ZNF573: variants seen among roughly 807,000 people sequenced by gnomAD.
ZNF573 encodes zinc finger protein 573.
ZNF573 carries 41 observed loss-of-function variants against 57.4 expected under a neutral mutation model. That is an observed-to-expected ratio of 0.71 (90% confidence interval 0.56 to 0.93). ZNF573 has a LOEUF of 0.93. ZNF573 is among the 40% of genes least tolerant of loss of function. ZNF573 has a pLI of 0.00. For synonymous variants in ZNF573, 249 were observed against 261.0 expected (o/e 0.95, Z 0.44); for missense variants, 730 against 794.8 (o/e 0.92, Z 0.98).
At chr19:37,753,350 T>C (rs1215771890) in intron 4 of ZNF573, among the ~76,000 whole-genome samples, 1 of 152,150 alleles carries the variant, frequency 6.6e-6, no homozygotes, top group Non-Finnish European at 1.5e-5. Flanking sequence ...CCTCAAGTAT[T>C]TATCCTTTGT....
At chr19:37,779,343 A>G (rs1380961385) in intron 1 of ZNF573, among the ~76,000 whole-genome samples, 2 of 151,958 alleles carry the variant, frequency 1.3e-5, no homozygotes, top group African/African-American at 4.8e-5. Context: ...TGCGCACTCA[A>G]ATACCCTCCT....
rs2045660147 is a variant in ZNF573 at position 37,771,633 on chromosome 19, G to A, written c.133C>T (p.Leu45=). The A allele has an allele frequency of 2.5e-6, 4 of 1,602,476 alleles. No individual in the cohort carries two copies. Among genetic ancestry groups the A allele is most frequent in the East Asian group, 2.3e-5 (1 of 43,722 alleles). ...IDFSRQEWEY[L]DPNQRDLYRD... is the part of the protein sequence containing the mutation. ...TATAAGTCCCTCTGATTAGGGTCCAGGTATTCCCACTCCTGCCGAGAGAAG... is the reference window on the plus strand; with the variant it reads ...TATAAGTCCCTCTGATTAGGGTCCAAGTATTCCCACTCCTGCCGAGAGAAG... The change falls in exon 3 of 5, where the codon CTG becomes TTG. Residue 45 remains leucine (L), a synonymous_variant. Transcript: ENST00000536220.
intron 4 of ZNF573, among the ~76,000 whole-genome samples, chr19:37,748,018 C>A (rs905270801): frequency 3.3e-5 from 5 of 152,112 alleles, no homozygotes; most frequent in Non-Finnish European, 5.9e-5. Flanking sequence ...CTACTTCCAG[C>A]CTAATTACAA....
chr19:37,770,577 C>T (rs954408856), intron 3 of ZNF573: 2 of 113,244 alleles, frequency 1.8e-5, no homozygotes, highest in African/African-American at 7.2e-5. Flanking sequence ...CCAACCCGGG[C>T]AACAGAGCGA....
chr19:37,761,620 AGT>A (rs1358246226), intron 4 of ZNF573, among the ~76,000 whole-genome samples: 2 of 152,286 alleles, frequency 1.3e-5, no homozygotes, highest in East Asian at 1.9e-4. Context: ...CATTCCAGAG[AGT>A]GTCCCCCATT....
At chr19:37,756,464 T>C (rs899530226) in intron 4 of ZNF573, among the ~76,000 whole-genome samples, 1 of 152,156 alleles carries the variant, frequency 6.6e-6, no homozygotes, top group South Asian at 2.1e-4. Context: ...CTGCTTTAGA[T>C]GCAATGCTGG....
chr19:37,739,953 T>C lies in ZNF573; in HGVS notation c.537A>G (p.Leu179=), dbSNP rs752825655. ...TCTCACCAGTATGAAATCTTTGATGTAGAGTAAGTTGATAGCCACTACGAA... is the reference window on the plus strand; with the variant it reads ...TCTCACCAGTATGAAATCTTTGATGCAGAGTAAGTTGATAGCCACTACGAA... The part of the protein sequence containing the change: ...KNFRSGYQLT[L]HQRFHTGEKP... The change falls in exon 5 of 5, where the codon CTA becomes CTG. Residue 179 remains leucine (L), a synonymous_variant. Coordinates refer to ENST00000536220, the MANE Select transcript of ZNF573 (RefSeq NM_001172690.2). 1.2e-6 allele frequency: 2 copies of C among 1,614,180 alleles called. No individual in the cohort carries two copies. Among genetic ancestry groups the C allele is most frequent in the Admixed American group, 3.3e-5 (2 of 60,016 alleles).
chr19:37,767,431 C>T (rs1407290855), intron 4 of ZNF573, among the ~76,000 whole-genome samples: 1 of 151,968 alleles, frequency 6.6e-6, no homozygotes, highest in African/African-American at 2.4e-5. Context: ...GACGGGGTTT[C>T]GCCGTTTTAG....
rs578055022 is a variant in ZNF573 at position 37,777,761 on chromosome 19, C to G, written c.-23+1783G>C. Among the ~76,000 whole-genome samples the G allele has an allele frequency of 9.8e-5, 14 of 143,514 alleles. No individual in the cohort carries two copies. In the East Asian group the frequency reaches 2.7e-3, roughly 28 times the overall value. 94.2% of individuals were successfully genotyped at this position (143,514 alleles called of 152,430 possible). On this transcript the variant is annotated intron_variant, in intron 1 of 4. Transcript: ENST00000536220. Reference sequence around the variant, plus strand: ...CATAAAAAAAAAAAAAAAAGCCGGTCGTGGTGGCTCATGCTTGTAATCCCA... The same window carrying G: ...CATAAAAAAAAAAAAAAAAGCCGGTGGTGGTGGCTCATGCTTGTAATCCCA...
At position 37,778,024 on chromosome 19, in the gene ZNF573, C is replaced by CAAA. The variant is rs34141847; in HGVS notation, c.-23+1517_-23+1519dup. Among the ~76,000 whole-genome samples the CAAA allele has an allele frequency of 3.1e-3, 176 of 56,006 alleles. 6 individuals are homozygous for CAAA. Among genetic ancestry groups the CAAA allele is most frequent in the African/African-American group, 8.5e-3 (139 of 16,442 alleles). The allele number at this position is 56,006 out of a possible 152,430, so 36.7% of individuals were successfully genotyped here. Reference sequence around the variant, plus strand: ...TGGGCGACAGAGCGAGACTCTGTCTCAAAAAAAAAAAAAAAAAAAAAGTAA... The same window carrying CAAA: ...TGGGCGACAGAGCGAGACTCTGTCTCAAAAAAAAAAAAAAAAAAAAAAAAGTAA... On this transcript the variant is annotated intron_variant, in intron 1 of 4. Transcript: ENST00000536220.
At chr19:37,775,842 CAA>C (rs11390183) in intron 1 of ZNF573, among the ~76,000 whole-genome samples, 222 of 125,196 alleles carry the variant, frequency 1.8e-3, no homozygotes, top group Non-Finnish European at 2.1e-3. Context: ...ACAACAGCTG[CAA>C]AAAAAAAAAA....
intron 4 of ZNF573, among the ~76,000 whole-genome samples, chr19:37,741,847 A>G (rs2045330164): frequency 6.6e-6 from 1 of 152,192 alleles, no homozygotes; most frequent in South Asian, 2.1e-4. Flanking sequence ...AAGAGAAAGA[A>G]ATAAAAGTAT....
rs1397455061 is a variant in ZNF573, at chr19:37,758,902, A to C, written c.295+11103T>G. On this transcript the variant is annotated intron_variant, in intron 4 of 4. Transcript: ENST00000536220. The stretch of plus-strand genomic sequence containing the variant: ...GTAAGTCCAACTCAAAATAATACAA[A>C]GTACCAGAATAATGAAGATATATCA... 2.9e-5 allele frequency: 6 copies of C among 209,510 alleles called. No individual in the cohort carries two copies. The Admixed American group carries it at 3.9e-4, about 14-fold the overall frequency. The allele number at this position is 209,510 out of a possible 1,614,324, so 13.0% of individuals were successfully genotyped here.
intron 4 of ZNF573, among the ~76,000 whole-genome samples, chr19:37,757,492 C>T (rs920736637): frequency 1.6e-4 from 25 of 152,138 alleles, no homozygotes; most frequent in African/African-American, 4.3e-4. Flanking sequence ...CTACCGCGCC[C>T]GGCCCACACT....
intron 4 of ZNF573, among the ~76,000 whole-genome samples, chr19:37,741,173 A>G (rs2045323669): frequency 6.6e-6 from 1 of 152,180 alleles, no homozygotes; most frequent in African/African-American, 2.4e-5. Flanking sequence ...TATGTTTCAG[A>G]GTAAATGTTC....
In ZNF573 at chr19:37,739,352, G is replaced by A. The variant is rs1419502713; in HGVS notation, c.1138C>T (p.His380Tyr). 1.9e-6 allele frequency: 3 copies of A among 1,613,972 alleles called. No homozygotes were observed. The highest frequency in any genetic ancestry group is 2.7e-5 in the African/African-American group (2 of 74,902). ...YRNLTRHQNI[H>Y]TGEKLFECKQ... ...CATTCAAAAAGTTTCTCACCAGTAT[G>A]AATATTCTGATGCCGAGTAAGATTT... is the stretch of plus-strand genomic sequence containing the variant. Residue 380 changes from histidine to tyrosine, a missense_variant, in exon 5 of 5, where the codon CAT (histidine) becomes TAT (tyrosine). Physicochemically the swap from His to Tyr is moderately conservative, Grantham distance 83. Transcript: ENST00000536220.
intron 4 of ZNF573, among the ~76,000 whole-genome samples, chr19:37,759,730 AAAAT>A (rs539653606): frequency 1.4e-4 from 22 of 152,022 alleles, no homozygotes; most frequent in Non-Finnish European, 2.9e-4. Context: ...TCTGTCTCAA[AAAAT>A]AAATAAATAA....
At chr19:37,763,597 A>G (rs568040822) in intron 4 of ZNF573, among the ~76,000 whole-genome samples, 16 of 152,218 alleles carry the variant, frequency 1.1e-4, no homozygotes, top group African/African-American at 3.4e-4. Context: ...AACAGAGTAA[A>G]TATCAGTCAT....
intron 4 of ZNF573, among the ~76,000 whole-genome samples, chr19:37,765,301 A>G (rs1194971571): frequency 6.6e-6 from 1 of 152,174 alleles, no homozygotes; most frequent in Non-Finnish European, 1.5e-5. Flanking sequence ...ACCATTTCCC[A>G]CTAAAAGAAC....
Sources: allele counts gnomAD v4.1 joint callset (sites outside exome capture counted in the v4.1 genomes callset), GRCh38; gene constraint gnomAD v4.1.1; transcripts MANE v1.5; gene names NCBI Gene and HGNC (gene_info 2026-07-23, HGNC 2026-07-21).